PTPRD: variants seen among roughly 807,000 people sequenced by gnomAD.
PTPRD encodes receptor-type tyrosine-protein phosphatase delta.
PTPRD carries 34 observed loss-of-function variants against 214.5 expected under a neutral mutation model. The observed-to-expected ratio is 0.16, with a 90% CI of 0.12 to 0.21. The LOEUF (loss-of-function observed/expected upper bound fraction) is 0.21. PTPRD is among the 10% of genes least tolerant of loss of function. The pLI, the probability that PTPRD is intolerant of heterozygous loss-of-function variation, is 1.00. For synonymous variants in PTPRD, 1,128 were observed against 845.7 expected, an observed-to-expected ratio of 1.33 and a Z score of -5.79; for missense variants, 2,545 against 2,398.7, an observed-to-expected ratio of 1.06 and a Z score of -1.27.
intron 3 of PTPRD, among the ~76,000 whole-genome samples, chr9:10,145,077 C>A (rs527678333): frequency 6.6e-6 from 1 of 151,802 alleles, no homozygotes; most frequent in East Asian, 1.9e-4. Flanking sequence ...ATTCAGTATC[C>A]CCCCACGAAA....
chr9:9,933,267 A>G (rs2087549427), intron 5 of PTPRD, among the ~76,000 whole-genome samples: 1 of 152,258 alleles, frequency 6.6e-6, no homozygotes, highest in Non-Finnish European at 1.5e-5. Flanking sequence ...GCTCCAATTA[A>G]AAGACACAGA....
chr9:8,493,810 G>C (rs897950678), intron 26 of PTPRD, among the ~76,000 whole-genome samples: 1 of 152,010 alleles, frequency 6.6e-6, no homozygotes, highest in Non-Finnish European at 1.5e-5. Context: ...TTTTCTCTTA[G>C]TCAGGGCCCA....
chr9:10,131,090 G>T (rs1262931270), intron 3 of PTPRD, among the ~76,000 whole-genome samples: 1 of 152,182 alleles, frequency 6.6e-6, no homozygotes, highest in Non-Finnish European at 1.5e-5. Flanking sequence ...TGGAGGCTGG[G>T]CTGCAGAGGA....
In PTPRD at chr9:9,494,360, C is replaced by T. The variant is rs558615073; in HGVS notation, c.-237+80372G>A. On this transcript the variant is annotated intron_variant, in intron 8 of 45. Transcript: ENST00000381196. ...GGTAAAATGATATCAAACAGCATTG[C>T]ATAGAACAAAACTTTTGTGAAAGGA... Among the ~76,000 whole-genome samples the T allele has an allele frequency of 2.0e-5, 3 of 152,254 alleles. No homozygotes were observed. The East Asian group carries it at 5.8e-4, about 29-fold the overall frequency.
chr9:10,199,202 G>A lies in PTPRD; in HGVS notation c.-545+141761C>T, dbSNP rs577724648. On this transcript the variant is annotated intron_variant, in intron 3 of 45. Coordinates refer to ENST00000381196, the MANE Select transcript of PTPRD (RefSeq NM_002839.4). ...TTTATTTTATAATGTATATTTCCTC[G>A]TATATTTGTTAAAAAACAATATATG... is the stretch of plus-strand genomic sequence containing the variant. Among the ~76,000 whole-genome samples the A allele has an allele frequency of 3.6e-4, 55 of 151,576 alleles. No individual in the cohort carries two copies. The South Asian group carries it at 5.4e-3, about 15-fold the overall frequency.
intron 2 of PTPRD, among the ~76,000 whole-genome samples, chr9:10,409,022 C>G (rs547731789): frequency 2.0e-5 from 3 of 151,762 alleles, no homozygotes; most frequent in African/African-American, 7.2e-5. Context: ...CAAGCTGCAG[C>G]CCATGTTCCA....
At chr9:9,429,103 T>C (rs905002889) in intron 8 of PTPRD, among the ~76,000 whole-genome samples, 3 of 151,998 alleles carry the variant, frequency 2.0e-5, no homozygotes, top group Admixed American at 6.6e-5. Context: ...CAAAAATCAA[T>C]GAATCCAGGA....
intron 14 of PTPRD, among the ~76,000 whole-genome samples, chr9:8,590,846 T>C (rs1238713532): frequency 6.6e-6 from 1 of 152,176 alleles, no homozygotes; most frequent in East Asian, 1.9e-4. Context: ...ACAAACTCGA[T>C]GGCTTAAAAC....
chr9:8,352,815 A>T (rs1282577419), intron 39 of PTPRD, among the ~76,000 whole-genome samples: 1 of 152,166 alleles, frequency 6.6e-6, no homozygotes, highest in African/African-American at 2.4e-5. Flanking sequence ...TTTTCTTTTT[A>T]AAAAATGCTA....
At chr9:9,342,398 T>G (rs1318700497) in intron 9 of PTPRD, among the ~76,000 whole-genome samples, 1 of 152,070 alleles carries the variant, frequency 6.6e-6, no homozygotes, top group East Asian at 1.9e-4. Flanking sequence ...GATACAGGGT[T>G]AAAAGGAAAA....
At chr9:8,807,309 C>A (rs1382304461) in intron 11 of PTPRD, among the ~76,000 whole-genome samples, 1 of 152,070 alleles carries the variant, frequency 6.6e-6, no homozygotes. Context: ...TGCACTCCAG[C>A]CTGGGTGACA....
intron 5 of PTPRD, among the ~76,000 whole-genome samples, chr9:9,928,409 A>G (rs903461408): frequency 6.6e-6 from 1 of 152,188 alleles, no homozygotes; most frequent in African/African-American, 2.4e-5. Context: ...TTATCAAAGG[A>G]CAGAGAGAGC....
At chr9:9,906,369 T>C (rs958203937) in intron 5 of PTPRD, among the ~76,000 whole-genome samples, 2 of 151,984 alleles carry the variant, frequency 1.3e-5, no homozygotes, top group African/African-American at 4.8e-5. Context: ...TCAATTGTTA[T>C]CGTTGTCTTT....
chr9:9,548,527 C>T (rs1206659652), intron 8 of PTPRD, among the ~76,000 whole-genome samples: 1 of 151,248 alleles, frequency 6.6e-6, no homozygotes, highest in African/African-American at 2.4e-5. Flanking sequence ...CCTGCTTCAG[C>T]CTCCTGGGCT....
intron 12 of PTPRD, among the ~76,000 whole-genome samples, chr9:8,697,417 C>CTTTTTTTTTTTTTTTTTTTTTTTTTTAT (rs752677458): frequency 3.2e-5 from 2 of 63,242 alleles, no homozygotes; most frequent in African/African-American, 6.7e-5. Flanking sequence ...TTTTTATGTA[C>CTTTTTTTTTTTTTTTTTTTTTTTTTTAT]TTTTTTTTTT....
chr9:9,318,963 C>T (rs1964943845), intron 9 of PTPRD, among the ~76,000 whole-genome samples: 1 of 152,094 alleles, frequency 6.6e-6, no homozygotes, highest in African/African-American at 2.4e-5. Context: ...TATACAGTGC[C>T]TTCATTATGA....
intron 3 of PTPRD, among the ~76,000 whole-genome samples, chr9:10,221,901 T>C (rs1320597213): frequency 2.0e-5 from 3 of 152,124 alleles, no homozygotes; most frequent in African/African-American, 7.2e-5. Flanking sequence ...CTAAAAATGG[T>C]ATTTTTACAA....
chr9:8,967,145 C>CA (rs2099201681), intron 11 of PTPRD, among the ~76,000 whole-genome samples: 1 of 149,810 alleles, frequency 6.7e-6, no homozygotes. Context: ...AAAAAAAAAA[C>CA]AATAGATGTT....
intron 2 of PTPRD, among the ~76,000 whole-genome samples, chr9:10,508,945 A>C (rs2047025871): frequency 6.6e-6 from 1 of 152,128 alleles, no homozygotes; most frequent in South Asian, 2.1e-4. Context: ...GAGTATAATA[A>C]AAAAATAAAA....
Sources: gnomAD v4.1 joint callset for allele counts (sites outside exome capture counted in the v4.1 genomes callset) on GRCh38, gnomAD v4.1.1 for gene constraint, MANE v1.5 for transcripts, NCBI Gene and HGNC (gene_info 2026-07-23, HGNC 2026-07-21) for gene names.